GALNT13: variants seen among roughly 807,000 people sequenced by gnomAD.
GALNT13 encodes polypeptide N-acetylgalactosaminyltransferase 13, also known as UDP-GalNAc:polypeptide N-acetylgalactosaminyltransferase 13.
In GALNT13, 28 loss-of-function variants were observed where a neutral mutation model predicts 64.2. That is an observed-to-expected ratio of 0.44 (90% confidence interval 0.32 to 0.60). GALNT13 has a LOEUF of 0.60. Among genes scored for constraint, GALNT13 ranks in the 20% least tolerant of loss-of-function variants. The pLI is 0.05. For missense variants in GALNT13, 577 were observed against 669.8 expected (o/e 0.86, Z 1.53); for synonymous variants, 214 against 224.6 (o/e 0.95, Z 0.42).
chr2:153,417,487 G>A, the GALNT13 span, among the ~76,000 whole-genome samples: 5 of 152,192 alleles, frequency 3.3e-5, no homozygotes, highest in South Asian at 2.1e-4. Context: ...TAATCCAGGC[G>A]AGAGATCATG....
intron 3 of GALNT13, among the ~76,000 whole-genome samples, chr2:154,073,940 T>A (rs1700864559): frequency 6.6e-6 from 1 of 151,936 alleles, no homozygotes; most frequent in Non-Finnish European, 1.5e-5. Context: ...ATAAGGCAGA[T>A]ACTAATTTTT....
chr2:154,076,883 A>G (rs1219378239), intron 3 of GALNT13, among the ~76,000 whole-genome samples: 3 of 151,600 alleles, frequency 2.0e-5, no homozygotes, highest in South Asian at 4.1e-4. Flanking sequence ...TCCAATGCAC[A>G]CTAAGTTTCT....
intron 4 of GALNT13, among the ~76,000 whole-genome samples, chr2:154,172,467 C>T (rs973117607): frequency 6.6e-6 from 1 of 152,124 alleles, no homozygotes; most frequent in Non-Finnish European, 1.5e-5. Context: ...TTTCTGGCCT[C>T]TGGTAACCAC....
chr2:153,283,906 G>A, the GALNT13 span, among the ~76,000 whole-genome samples: 1 of 152,182 alleles, frequency 6.6e-6, no homozygotes, highest in Non-Finnish European at 1.5e-5. Flanking sequence ...ATGCAAATTG[G>A]TGCTCCAAAT....
intron 4 of GALNT13, among the ~76,000 whole-genome samples, chr2:154,220,658 A>T (rs1688277674): frequency 6.6e-6 from 1 of 152,042 alleles, no homozygotes; most frequent in Non-Finnish European, 1.5e-5. Context: ...TTTTTTTATC[A>T]TGGGTTTATT....
At chr2:153,760,057 T>G in the GALNT13 span, among the ~76,000 whole-genome samples, 1 of 152,046 alleles carries the variant, frequency 6.6e-6, no homozygotes, top group Admixed American at 6.6e-5. Flanking sequence ...TTCTTCTAAT[T>G]TATTTATTGG....
chr2:154,150,487 T>C (rs1333639597), intron 4 of GALNT13, among the ~76,000 whole-genome samples: 2 of 152,208 alleles, frequency 1.3e-5, no homozygotes, highest in African/African-American at 4.8e-5. Context: ...TTGATTGGAA[T>C]AGTTTCAGAA....
chr2:153,833,331 G>C, the GALNT13 span, among the ~76,000 whole-genome samples: 1 of 152,002 alleles, frequency 6.6e-6, no homozygotes, highest in Admixed American at 6.6e-5. Context: ...GAAAGTTCTA[G>C]ACTTAATAAG....
chr2:153,860,517 C>A, the GALNT13 span, among the ~76,000 whole-genome samples: 1 of 152,118 alleles, frequency 6.6e-6, no homozygotes, highest in Non-Finnish European at 1.5e-5. Context: ...AATCAGTTGA[C>A]TTCTATCCTC....
chr2:153,563,653 G>T, the GALNT13 span, among the ~76,000 whole-genome samples: 1 of 151,234 alleles, frequency 6.6e-6, no homozygotes, highest in Non-Finnish European at 1.5e-5. Context: ...CTGTTCCCTT[G>T]GTACCTCCCC....
rs184648635 is a variant in GALNT13 at position 154,342,097 on chromosome 2, A to G, written c.1156+40508A>G. 2.6e-4 allele frequency among the ~76,000 whole-genome samples: 40 copies of G among 152,216 alleles called. 1 individual carries two copies. Among genetic ancestry groups the G allele is most frequent in the Non-Finnish European group, 4.6e-4 (31 of 67,994 alleles). ...TGTGTTCAGTTTGAGATGTATTCAT[A>G]TAATAAAAACTCAATGTCTTCATTT... On this transcript the variant is annotated intron_variant, in intron 9 of 12. Coordinates refer to ENST00000392825, the MANE Select transcript of GALNT13 (RefSeq NM_052917.4).
chr2:153,808,686 CCAA>C, the GALNT13 span, among the ~76,000 whole-genome samples: 7 of 152,170 alleles, frequency 4.6e-5, no homozygotes, highest in Non-Finnish European at 1.0e-4. Flanking sequence ...CTTCTTCTCT[CCAA>C]CAACTCTTTT....
chr2:153,555,483 C>T, the GALNT13 span, among the ~76,000 whole-genome samples: 1 of 104,422 alleles, frequency 9.6e-6, no homozygotes, highest in Admixed American at 9.1e-5. Context: ...CGTGAGCCAC[C>T]GCGCCCGGCC....
chr2:153,715,030 C>G, the GALNT13 span, among the ~76,000 whole-genome samples: 6 of 152,100 alleles, frequency 3.9e-5, no homozygotes, highest in Non-Finnish European at 7.3e-5. Flanking sequence ...AGCTCACTCT[C>G]TCTGTGTCTG....
At chr2:153,221,891 C>T in the GALNT13 span, among the ~76,000 whole-genome samples, 2 of 152,202 alleles carry the variant, frequency 1.3e-5, no homozygotes, top group Non-Finnish European at 2.9e-5. Context: ...AGCTTTGAGA[C>T]ACCAGAAACC....
At chr2:153,258,399 C>CAAAACAAAAG in the GALNT13 span, among the ~76,000 whole-genome samples, 1 of 151,992 alleles carries the variant, frequency 6.6e-6, no homozygotes, top group Non-Finnish European at 1.5e-5. Flanking sequence ...CAAAACAAAA[C>CAAAACAAAAG]AAAACCCAAC....
chr2:153,075,080 T>G, the GALNT13 span, among the ~76,000 whole-genome samples: 1 of 152,278 alleles, frequency 6.6e-6, no homozygotes, highest in Non-Finnish European at 1.5e-5. Flanking sequence ...GAACATCAAG[T>G]AGGTTTCTGA....
At chr2:153,312,678 G>A in the GALNT13 span, among the ~76,000 whole-genome samples, 1 of 152,120 alleles carries the variant, frequency 6.6e-6, no homozygotes, top group Non-Finnish European at 1.5e-5. Context: ...CCAACAAAAA[G>A]AAATAAAGTG....
At chr2:153,999,187 G>T (rs1335937653) in intron 3 of GALNT13, among the ~76,000 whole-genome samples, 2 of 151,668 alleles carry the variant, frequency 1.3e-5, no homozygotes, top group African/African-American at 2.4e-5. Context: ...GCATGGCACT[G>T]GTACCAAAAC....
Sources: gnomAD v4.1 joint callset for allele counts (sites outside exome capture counted in the v4.1 genomes callset) on GRCh38, gnomAD v4.1.1 for gene constraint, MANE v1.5 for transcripts, NCBI Gene and HGNC (gene_info 2026-07-23, HGNC 2026-07-21) for gene names.